KRT17: variants seen among roughly 807,000 people sequenced by gnomAD.
KRT17 encodes keratin, type I cytoskeletal 17.
In KRT17, 29 loss-of-function variants were observed where a neutral mutation model predicts 45.6. That is an observed-to-expected ratio of 0.64 (90% CI 0.47 to 0.87). The LOEUF (loss-of-function observed/expected upper bound fraction) is 0.87. Ranked by LOEUF, KRT17 falls within the 40% of genes least tolerant of loss-of-function variation. The pLI is 0.00. For missense variants in KRT17, 536 were observed against 577.8 expected, an observed-to-expected ratio of 0.93 and a Z score of 0.74; for synonymous variants, 219 against 234.6, an observed-to-expected ratio of 0.93 and a Z score of 0.61.
At position 41,624,252 on chromosome 17, in the gene KRT17, G is replaced by A; in HGVS notation, c.258C>T (p.Ala86=). 1 of 1,612,576 alleles carries A rather than the reference G, an allele frequency of 6.2e-7. No individual in the cohort carries two copies. Among genetic ancestry groups the A allele is most frequent in the Non-Finnish European group, 8.5e-7 (1 of 1,180,004 alleles). The change falls in exon 1 of 8, where the codon GCC becomes GCT. Residue 86 remains alanine (A), a synonymous_variant. Coordinates refer to ENST00000311208, the MANE Select transcript of KRT17 (RefSeq NM_000422.3). ...GGCGGTCATTGAGGTTCTGCATGGT[G>A]GCCTTCTCACCTCCAGCCAGCAGCC... The part of the protein sequence containing the change: ...VDGLLAGGEK[A]TMQNLNDRLA...
Position 41,620,681 on chromosome 17 carries a change from G to A in KRT17, c.1159C>T (p.Leu387=), listed in dbSNP as rs1908506544. ...CACTGGGCATCCTCTCCCTCCAGCAGGCGGCGGTAGGTGGCAATCTCCTGC... is the reference window on the plus strand; with the variant it reads ...CACTGGGCATCCTCTCCCTCCAGCAAGCGGCGGTAGGTGGCAATCTCCTGC... ...LEQEIATYRR[L]LEGEDAHLTQ... The change falls in exon 6 of 8, where the codon CTG becomes TTG. Residue 387 remains leucine, a synonymous_variant. Coordinates refer to ENST00000311208, the MANE Select transcript of KRT17 (RefSeq NM_000422.3). 6.2e-7 allele frequency: 1 copy of A among 1,611,976 alleles called. No homozygotes were observed. Among genetic ancestry groups the A allele is most frequent in the African/African-American group, 1.3e-5 (1 of 74,840 alleles).
intron 7 of KRT17, chr17:41,620,152 T>C (rs1462045218): frequency 2.0e-6 from 2 of 985,276 alleles, no homozygotes; most frequent in Non-Finnish European, 2.4e-6. Context: ...ACAAGGACCA[T>C]GTCCCTATCT....
Position 41,619,623 on chromosome 17 carries a change from G to A in KRT17, c.1270C>T (p.Arg424Cys), listed in dbSNP as rs768916198. The change falls in exon 8 of 8, where the codon CGC (arginine) becomes TGC (cysteine). Residue 424 changes from arginine (R) to cysteine (C), a missense_variant. By Grantham distance (180) the Arg-to-Cys change is radical (BLOSUM62 -3). Transcript: ENST00000311208. ...EVQDGKVISSREQVHQTTR is the reference protein window; with the variant it reads ...EVQDGKVISSCEQVHQTTR ...CGGGTGGTCTGGTGGACCTGCTCGC[G>A]GGAGGAGATGACCTTGCCATCCTGG... is the stretch of plus-strand genomic sequence containing the variant. 9.3e-6 allele frequency: 15 copies of A among 1,612,044 alleles called. No individual in the cohort carries two copies. Among genetic ancestry groups the A allele is most frequent in the East Asian group, 4.5e-5 (2 of 44,892 alleles).
At chr17:41,620,627 C>A (rs1464664203) in intron 6 of KRT17, 32 bp downstream of exon 6, 1 of 1,611,816 alleles carries the variant, frequency 6.2e-7, no homozygotes, top group South Asian at 1.1e-5. Context: ...GCCAAGAGAC[C>A]CCCAGCCCTG....
Position 41,621,749 on chromosome 17 carries a change from C to T in KRT17, c.678G>A (p.Met226Ile). The T allele has an allele frequency of 6.2e-7, 1 of 1,612,052 alleles. No individual in the cohort carries two copies. The highest frequency in any genetic ancestry group is 8.5e-7 in the Non-Finnish European group (1 of 1,179,862). Reference protein sequence around the residue: ...AYLKKNHEEEMNALRGQVGGE... With the variant: ...AYLKKNHEEEINALRGQVGGE... ...CACCCACCTGGCCTCGCAGGGCGTTCATCTCCTATGGAAAAAGGGGATGTG... is the reference window on the plus strand; with the variant it reads ...CACCCACCTGGCCTCGCAGGGCGTTTATCTCCTATGGAAAAAGGGGATGTG... Residue 226 changes from methionine to isoleucine, a missense_variant, in exon 4 of 8, where the codon ATG (methionine) becomes ATA (isoleucine). Transcript: ENST00000311208.
rs967450838 is a variant in KRT17, at chr17:41,622,293, C to T, written c.672+62G>A. 4.4e-6 allele frequency: 7 copies of T among 1,606,894 alleles called. No homozygotes were observed. In the African/African-American group the frequency reaches 6.7e-5, roughly 15 times the overall value. On this transcript the variant is annotated intron_variant, in intron 3 of 7. Transcript: ENST00000311208. The stretch of plus-strand genomic sequence containing the variant: ...CTCTCCCACGGCCTCAGCCATTGCC[C>T]AGCCCCAGGGCTCTGCCACCCACTC...
Position 41,624,353 on chromosome 17 carries a change from C to G in KRT17, c.157G>C (p.Gly53Arg), listed in dbSNP as rs748631498. 5.6e-6 allele frequency: 9 copies of G among 1,611,330 alleles called. No homozygotes were observed. The highest frequency in any genetic ancestry group is 5.9e-6 in the Non-Finnish European group (7 of 1,179,794). ...GSAGGLGSTL[G>R]GSSYSSCYSF... ...TAGCAGCTGGAGTAGCTGCTACCCC[C>G]GAGGGTGCTGCCCAGGCCGCCAGCA... is the stretch of plus-strand genomic sequence containing the variant. The change falls in exon 1 of 8, where the codon GGG (glycine) becomes CGG (arginine). Residue 53 changes from glycine (G) to arginine (R), a missense_variant. By Grantham distance (125) the Gly-to-Arg change is moderately radical (BLOSUM62 -2). Coordinates refer to ENST00000311208, the MANE Select transcript of KRT17 (RefSeq NM_000422.3).
At position 41,624,289 on chromosome 17, in the gene KRT17, C is replaced by A. The variant is rs200102896; in HGVS notation, c.221G>T (p.Gly74Val). 2.7e-5 allele frequency: 43 copies of A among 1,612,322 alleles called. No homozygotes were observed. Among genetic ancestry groups the A allele is most frequent in the Non-Finnish European group, 3.4e-5 (40 of 1,180,010 alleles). ...TCCAGCCAGCAGCCCATCAACACCC[C>A]CAAAGCTGCTGCCATAGCCACCACC... Reference protein sequence around the residue: ...GSGGGYGSSFGGVDGLLAGGE... With the variant: ...GSGGGYGSSFVGVDGLLAGGE... Residue 74 changes from glycine (G) to valine (V), a missense_variant, in exon 1 of 8, where the codon GGG becomes GTG. Gly to Val is a moderately radical substitution (Grantham distance 109). Transcript: ENST00000311208.
rs1295527219 is a variant in KRT17 at position 41,622,516 on chromosome 17, C to T, written c.516-5G>A. 9 of 1,613,088 alleles carry T rather than the reference C, an allele frequency of 5.6e-6. No individual in the cohort carries two copies. Among genetic ancestry groups the T allele is most frequent in the Middle Eastern group, 3.9e-4 (2 of 5,142 alleles). ...AGGGCCTGCTCTGTCTCAAACCTGC[C>T]GTGGGAATCAGAGACTTCAGCCCAG... On this transcript the variant is annotated splice_polypyrimidine_tract_variant and splice_region_variant and intron_variant, in intron 2 of 7. Transcript: ENST00000311208.
At chr17:41,622,845 C>A (rs1408909244) in intron 2 of KRT17, 105 bp downstream of exon 2, 1 of 1,014,378 alleles carries the variant, frequency 9.9e-7, no homozygotes, top group Non-Finnish European at 1.6e-6. Flanking sequence ...ACCCTGAGCT[C>A]CTGGGCCTTG....
At position 41,621,541 on chromosome 17, in the gene KRT17, G is replaced by A. The variant is rs573848619; in HGVS notation, c.834+52C>T. ...CCGTGGGCTTACTGTCAGTGCTAAG[G>A]CCCCTGAGCCCCAGCCCCTAAGAGA... On this transcript the variant is annotated intron_variant, in intron 4 of 7. Coordinates refer to ENST00000311208, the MANE Select transcript of KRT17 (RefSeq NM_000422.3). 64 of 1,608,746 alleles carry A rather than the reference G, an allele frequency of 4.0e-5. No homozygotes were observed. In the African/African-American group the frequency reaches 6.7e-4, roughly 17 times the overall value.
chr17:41,620,919 T>C (rs377402667), intron 5 of KRT17, 40 bp from the exon 6 acceptor site: 32 of 1,613,916 alleles, frequency 2.0e-5, no homozygotes, highest in Non-Finnish European at 2.6e-5. Flanking sequence ...GTGAGGATGG[T>C]CAATGCCCTC....
At chr17:41,623,528 G>C (rs1908619499) in intron 1 of KRT17, among the ~76,000 whole-genome samples, 1 of 152,130 alleles carries the variant, frequency 6.6e-6, no homozygotes, top group African/African-American at 2.4e-5. Flanking sequence ...CCGCCCCCTG[G>C]GGTTTGCTGA....
At position 41,624,286 on chromosome 17, in the gene KRT17, C is replaced by T. The variant is rs760378776; in HGVS notation, c.224G>A (p.Gly75Asp). Residue 75 changes from glycine to aspartate, a missense_variant, in exon 1 of 8, where the codon GGT becomes GAT. Physicochemically the swap from Gly to Asp is moderately conservative, Grantham distance 94. Transcript: ENST00000311208. Reference protein sequence around the residue: ...SGGGYGSSFGGVDGLLAGGEK... With the variant: ...SGGGYGSSFGDVDGLLAGGEK... Reference sequence around the variant, plus strand: ...ACCTCCAGCCAGCAGCCCATCAACACCCCCAAAGCTGCTGCCATAGCCACC... The same window carrying T: ...ACCTCCAGCCAGCAGCCCATCAACATCCCCAAAGCTGCTGCCATAGCCACC... The T allele has an allele frequency of 1.9e-6, 3 of 1,612,468 alleles. No individual in the cohort carries two copies. The highest frequency in any genetic ancestry group is 2.2e-5 in the South Asian group (2 of 91,002).
intron 3 of KRT17, chr17:41,622,116 G>C: frequency 1.6e-6 from 1 of 618,058 alleles, no homozygotes; most frequent in Admixed American, 2.9e-5. Context: ...GTAGGTAGAG[G>C]GAGCCTCTGC....
chr17:41,620,504 A>G, intron 7 of KRT17, 32 bp downstream of exon 7: 2 of 1,610,290 alleles, frequency 1.2e-6, no homozygotes. Flanking sequence ...CATGCACCCA[A>G]CCCCCAGGGC....
At chr17:41,622,280 C>T (rs913293573) in intron 3 of KRT17, 75 bp downstream of exon 3, 1 of 1,590,682 alleles carries the variant, frequency 6.3e-7, no homozygotes, top group South Asian at 1.1e-5. Flanking sequence ...CTCCCACGGC[C>T]TCAGCCATTG....
chr17:41,624,028 G>A (rs749111106), intron 1 of KRT17, 50 bp downstream of exon 1: 5 of 1,611,040 alleles, frequency 3.1e-6, no homozygotes, highest in Admixed American at 1.7e-5. Context: ...GCAGGAGTTG[G>A]GGGGAAGAAG....
At position 41,621,221 on chromosome 17, in the gene KRT17, T is replaced by C. The variant is rs564205882; in HGVS notation, c.835-130A>G. 103 of 1,219,474 alleles carry C rather than the reference T, an allele frequency of 8.4e-5. No individual in the cohort carries two copies. The African/African-American group carries it at 1.0e-3, about 12-fold the overall frequency. 75.5% of individuals were successfully genotyped at this position (1,219,474 alleles called of 1,614,324 possible). On this transcript the variant is annotated intron_variant, in intron 4 of 7. Transcript: ENST00000311208. ...TCCCACATCCCAAAGCCCAGAAACA[T>C]GCCATTTGAAATGTTAACTTTTTAT...
Sources: allele counts gnomAD v4.1 joint callset (sites outside exome capture counted in the v4.1 genomes callset), GRCh38; gene constraint gnomAD v4.1.1; transcripts MANE v1.5; gene names NCBI Gene and HGNC (gene_info 2026-07-23, HGNC 2026-07-21).